Variants in ACTN1 observed in about 807,000 individuals in gnomAD.
ACTN1 encodes actinin alpha 1.
A neutral mutation model predicts 119.6 loss-of-function variants in ACTN1; 30 were observed. That is an observed-to-expected ratio of 0.25 (90% CI 0.19 to 0.34). The LOEUF (loss-of-function observed/expected upper bound fraction) is 0.34, where lower values mean the gene tolerates loss of function less well. Among genes scored for constraint, ACTN1 ranks in the 10% least tolerant of loss-of-function variants. The probability of loss-of-function intolerance (pLI) is 1.00; values close to 1 mark genes in which losing one functional copy is unlikely to be tolerated. For synonymous variants in ACTN1, 429 were observed against 472.6 expected (o/e 0.91, Z 1.20); for missense variants, 764 against 1,223.4 (o/e 0.62, Z 5.60).
intron 3 of ACTN1, among the ~76,000 whole-genome samples, chr14:68,913,760 T>C (rs942402515): frequency 6.6e-6 from 1 of 152,124 alleles, no homozygotes; most frequent in East Asian, 1.9e-4. Context: ...GAAGTAAAAA[T>C]GCCCCTCCCA....
intron 1 of ACTN1, among the ~76,000 whole-genome samples, chr14:68,945,980 A>G (rs1047706103): frequency 6.6e-6 from 1 of 152,328 alleles, no homozygotes; most frequent in Admixed American, 6.5e-5. Context: ...GAGAAAACCG[A>G]GGCCAAGAGC....
intron 3 of ACTN1, among the ~76,000 whole-genome samples, 187 bp downstream of exon 3, chr14:68,920,819 C>T (rs2034603882): frequency 6.6e-6 from 1 of 152,210 alleles, no homozygotes; most frequent in South Asian, 2.1e-4. Context: ...TTGGGCAGGG[C>T]TGAGACTAGA....
intron 1 of ACTN1, among the ~76,000 whole-genome samples, chr14:68,961,686 G>C (rs2036547500): frequency 6.6e-6 from 1 of 152,200 alleles, no homozygotes; most frequent in African/African-American, 2.4e-5. Flanking sequence ...AGCTGTTTGA[G>C]ATTCTTGCAA....
intron 1 of ACTN1, among the ~76,000 whole-genome samples, chr14:68,931,027 T>A (rs1207763374): frequency 3.9e-5 from 6 of 152,134 alleles, no homozygotes; most frequent in Admixed American, 3.9e-4. Flanking sequence ...TATTCACAAC[T>A]CAACCTCCTG....
intron 10 of ACTN1, among the ~76,000 whole-genome samples, chr14:68,891,352 T>A (rs1321683737): frequency 6.6e-6 from 1 of 152,206 alleles, no homozygotes; most frequent in Non-Finnish European, 1.5e-5. Context: ...TTTTATGACA[T>A]GGAAAGCTGG....
At chr14:68,918,313 G>C (rs1204487831) in intron 3 of ACTN1, among the ~76,000 whole-genome samples, 1 of 152,208 alleles carries the variant, frequency 6.6e-6, no homozygotes, top group African/African-American at 2.4e-5. Flanking sequence ...CGGGCGCGGT[G>C]GCTCACGCCT....
rs1386798627 is a variant in ACTN1, at chr14:68,904,571, C to T, written c.676+84G>A. The T allele has an allele frequency of 2.6e-5, 33 of 1,290,360 alleles. No homozygotes were observed. The Admixed American group carries it at 4.6e-4, about 18-fold the overall frequency. 79.9% of individuals were successfully genotyped at this position (1,290,360 alleles called of 1,614,324 possible). A position where few individuals can be genotyped will look rare whatever the true frequency, so the allele number is the denominator to read the frequency against. On this transcript the variant is annotated intron_variant, in intron 7 of 21. Coordinates refer to ENST00000394419, the MANE Select transcript of ACTN1 (RefSeq NM_001130004.2). ...GACCAGGCCTCCTCCCGTCCAGCCC[C>T]GGACTGCTGGGGTCCACCCCTTCTT... is the stretch of plus-strand genomic sequence containing the variant.
intron 6 of ACTN1, among the ~76,000 whole-genome samples, chr14:68,906,629 G>A (rs1353953725): frequency 6.6e-6 from 1 of 152,104 alleles, no homozygotes; most frequent in Non-Finnish European, 1.5e-5. Flanking sequence ...TGAGTTCCAG[G>A]GACCCCAGGG....
At chr14:68,907,653 A>T (rs1159959759) in intron 6 of ACTN1, among the ~76,000 whole-genome samples, 1 of 152,230 alleles carries the variant, frequency 6.6e-6, no homozygotes. Context: ...ATAAATAAAA[A>T]GACAGAGAGG....
chr14:68,896,350 G>A (rs915980936), intron 8 of ACTN1, among the ~76,000 whole-genome samples: 7 of 152,136 alleles, frequency 4.6e-5, no homozygotes, highest in Non-Finnish European at 8.8e-5. Context: ...TGATGAAGGC[G>A]GCTTCATCAC....
chr14:68,923,537 C>T lies in ACTN1; in HGVS notation c.220+2021G>A, dbSNP rs779051741. 3.9e-5 allele frequency among the ~76,000 whole-genome samples: 6 copies of T among 152,164 alleles called. 1 individual carries two copies. The highest frequency in any genetic ancestry group is 1.2e-4 in the African/African-American group (5 of 41,506). On this transcript the variant is annotated intron_variant, in intron 2 of 21. Coordinates refer to ENST00000394419, the MANE Select transcript of ACTN1 (RefSeq NM_001130004.2). ...CTAAAAGGCAGTTAGAGGCAAGGCACGGTGGCTCACACCTGCAATCCCAGC... is the reference window on the plus strand; with the variant it reads ...CTAAAAGGCAGTTAGAGGCAAGGCATGGTGGCTCACACCTGCAATCCCAGC...
chr14:68,950,379 G>A (rs1285418633), intron 1 of ACTN1, among the ~76,000 whole-genome samples: 1 of 150,212 alleles, frequency 6.7e-6, no homozygotes, highest in Non-Finnish European at 1.5e-5. Context: ...ACTTAATGCT[G>A]CTGAACTGTA....
At chr14:68,942,921 C>T (rs2035810996) in intron 1 of ACTN1, among the ~76,000 whole-genome samples, 1 of 152,114 alleles carries the variant, frequency 6.6e-6, no homozygotes, top group South Asian at 2.1e-4. Flanking sequence ...ACACAGAGGC[C>T]TTGCATGGCC....
Position 68,883,057 on chromosome 14 carries a change from T to TG in ACTN1, c.1636-3dup. On this transcript the variant is annotated splice_polypyrimidine_tract_variant and splice_region_variant and intron_variant, in intron 14 of 21. Transcript: ENST00000394419. ...CTGCTCATGGGCTGTGGTCAGTCCCTGGACAGAGATGGGAATATGTGGGCA... is the reference window on the plus strand; with the variant it reads ...CTGCTCATGGGCTGTGGTCAGTCCCTGGGACAGAGATGGGAATATGTGGGCA... The TG allele has an allele frequency of 3.1e-6, 5 of 1,613,362 alleles. No individual in the cohort carries two copies. Among genetic ancestry groups the TG allele is most frequent in the Non-Finnish European group, 4.2e-6 (5 of 1,179,466 alleles).
chr14:68,899,468 TACAC>T, intron 8 of ACTN1, among the ~76,000 whole-genome samples: 1 of 106,406 alleles, frequency 9.4e-6, no homozygotes, highest in East Asian at 2.6e-4. Context: ...ACACTCCACA[TACAC>T]ACACCACACT....
chr14:68,881,760 C>T (rs2031531860), intron 16 of ACTN1, among the ~76,000 whole-genome samples: 1 of 151,974 alleles, frequency 6.6e-6, no homozygotes, highest in Non-Finnish European at 1.5e-5. Flanking sequence ...AAATTCTATG[C>T]TCTACTGGGG....
At chr14:68,970,648 A>C (rs2036853852) in intron 1 of ACTN1, among the ~76,000 whole-genome samples, 1 of 152,242 alleles carries the variant, frequency 6.6e-6, no homozygotes, top group South Asian at 2.1e-4. Context: ...TGGGGTCAGC[A>C]CCAGAAGAGG....
At chr14:68,884,041 A>T in intron 14 of ACTN1, 127 bp downstream of exon 14, 1 of 999,730 alleles carries the variant, frequency 1.0e-6, no homozygotes, top group East Asian at 2.8e-5. Context: ...GTCAAATGCA[A>T]AGGTTCTGGG....
intron 1 of ACTN1, among the ~76,000 whole-genome samples, chr14:68,961,499 C>T (rs115156695): frequency 0.015 from 2,291 of 152,246 alleles, 49 homozygotes; most frequent in East Asian, 0.055. Flanking sequence ...AGGCTAGAAA[C>T]GCAGTGTTCC....
Sources: allele counts gnomAD v4.1 joint callset (sites outside exome capture counted in the v4.1 genomes callset), GRCh38; gene constraint gnomAD v4.1.1; transcripts MANE v1.5; gene names NCBI Gene and HGNC (gene_info 2026-07-23, HGNC 2026-07-21).